Variants in HIVEP1 observed in about 807,000 individuals in gnomAD.
HIVEP1 encodes zinc finger protein 40.
Under a neutral mutation model 180.0 loss-of-function variants are expected in HIVEP1, and 36 were observed. The ratio of observed to expected loss-of-function variants is 0.20; its 90% CI spans 0.15 to 0.26. The LOEUF (loss-of-function observed/expected upper bound fraction) is 0.26. HIVEP1 is among the 10% of genes least tolerant of loss of function. HIVEP1 has a pLI of 1.00. For synonymous variants in HIVEP1, 1,239 were observed against 1,239.0 expected, an observed-to-expected ratio of 1.00 and a Z score of 0.00; for missense variants, 3,143 against 3,268.7, an observed-to-expected ratio of 0.96 and a Z score of 0.94.
chr6:12,032,398 T>C (rs1042724113), intron 2 of HIVEP1, among the ~76,000 whole-genome samples: 1 of 152,070 alleles, frequency 6.6e-6, no homozygotes, highest in Non-Finnish European at 1.5e-5. Context: ...CGCCTCAGCC[T>C]CCCAAAGTGC....
chr6:12,185,307 G>A, the HIVEP1 span, among the ~76,000 whole-genome samples: 11 of 152,212 alleles, frequency 7.2e-5, no homozygotes, highest in East Asian at 1.2e-3. Context: ...GGCCACTGAC[G>A]CAGCTATAAT....
chr6:12,186,246 T>C, the HIVEP1 span, among the ~76,000 whole-genome samples: 1 of 150,842 alleles, frequency 6.6e-6, no homozygotes, highest in Non-Finnish European at 1.5e-5. Context: ...GTATTAATAT[T>C]ACATATATAC....
rs371406056 is a variant in HIVEP1 at position 12,123,959 on chromosome 6, C to A, written c.4164C>A (p.Phe1388Leu). The stretch of plus-strand genomic sequence containing the variant: ...TCTCTGATCTCAGAAGCAAATCATT[C>A]GATTGTGGAAGCATCACCCCACCCC... The part of the protein sequence containing the change: ...MEVSDLRSKS[F>L]DCGSITPPQT... Residue 1388 changes from phenylalanine (F) to leucine (L), a missense_variant, in exon 4 of 9, where the codon TTC becomes TTA. This residue lies in a region of HIVEP1 where 1,357 missense variants were observed against 1,260.5 expected (regional missense o/e 1.08). Transcript: ENST00000379388. 7.4e-6 allele frequency: 12 copies of A among 1,613,910 alleles called. No individual in the cohort carries two copies. Among genetic ancestry groups the A allele is most frequent in the South Asian group, 2.2e-5 (2 of 91,070 alleles).
intron 2 of HIVEP1, among the ~76,000 whole-genome samples, chr6:12,051,234 A>C (rs1171718835): frequency 2.0e-5 from 3 of 151,706 alleles, no homozygotes; most frequent in Admixed American, 6.6e-5. Context: ...TTTATGTCCC[A>C]CTACGGATAT....
At chr6:12,211,832 A>C in the HIVEP1 span, among the ~76,000 whole-genome samples, 1 of 152,186 alleles carries the variant, frequency 6.6e-6, no homozygotes, top group African/African-American at 2.4e-5. Context: ...GTTGAGACTG[A>C]TGTGAGGAGA....
chr6:12,072,667 G>A (rs190014455), intron 2 of HIVEP1, among the ~76,000 whole-genome samples: 9 of 152,120 alleles, frequency 5.9e-5, no homozygotes, highest in Non-Finnish European at 8.8e-5. Flanking sequence ...CTCTGTATGC[G>A]TTGGTTGGAT....
intron 7 of HIVEP1, among the ~76,000 whole-genome samples, chr6:12,154,789 G>A (rs368272984): frequency 9.9e-5 from 15 of 152,108 alleles, no homozygotes; most frequent in African/African-American, 3.1e-4. Context: ...CTGCACATTT[G>A]CCACATGTAT....
At chr6:12,138,714 A>G (rs1222260610) in intron 7 of HIVEP1, among the ~76,000 whole-genome samples, 1 of 152,084 alleles carries the variant, frequency 6.6e-6, no homozygotes, top group African/African-American at 2.4e-5. Flanking sequence ...TTCATTCCAC[A>G]TGTGGGTATC....
At chr6:12,103,518 T>G (rs2113407251) in intron 3 of HIVEP1, among the ~76,000 whole-genome samples, 1 of 152,008 alleles carries the variant, frequency 6.6e-6, no homozygotes, top group South Asian at 2.1e-4. Context: ...TAGTTTCTAG[T>G]TTAGACAACT....
intron 2 of HIVEP1, among the ~76,000 whole-genome samples, chr6:12,040,212 C>T (rs2113674372): frequency 6.6e-6 from 1 of 152,290 alleles, no homozygotes; most frequent in South Asian, 2.1e-4. Context: ...AGTTAAGAAA[C>T]ACTGTAATAA....
intron 6 of HIVEP1, among the ~76,000 whole-genome samples, chr6:12,133,448 ATAAAATTGC>A (rs1758538090): frequency 6.6e-6 from 1 of 152,248 alleles, no homozygotes. Flanking sequence ...CACCAGGTTT[ATAAAATTGC>A]TAGGAGATAT....
rs1433173888 is a variant in HIVEP1, at chr6:12,121,115, A to C, written c.1320A>C (p.Gly440=). The change falls in exon 4 of 9, where the codon GGA becomes GGC. Residue 440 remains glycine (G), a synonymous_variant. Transcript: ENST00000379388. The surrounding 1 kb of genome is among the most constrained non-coding windows in gnomAD (Gnocchi z 5.3). Reference sequence around the variant, plus strand: ...GACCCTATCCCTGTGTGACTTGTGGATTTTCATTTAAGACTAAAAGTAATC... The same window carrying C: ...GACCCTATCCCTGTGTGACTTGTGGCTTTTCATTTAAGACTAAAAGTAATC... The part of the protein sequence containing the change: ...GERPYPCVTC[G]FSFKTKSNLY... 3.1e-6 allele frequency: 5 copies of C among 1,614,020 alleles called. No individual in the cohort carries two copies. In the Admixed American group the frequency reaches 8.3e-5, roughly 27 times the overall value.
At position 12,129,745 on chromosome 6, in the gene HIVEP1, T is replaced by G. The variant is rs1164545665; in HGVS notation, c.6076-14T>G. On this transcript the variant is annotated splice_polypyrimidine_tract_variant and intron_variant, in intron 4 of 8. Coordinates refer to ENST00000379388, the MANE Select transcript of HIVEP1 (RefSeq NM_002114.4). ...CAGTTTTATTAAATTAGTTTCTCTCTTTTTTCCTTTCAGAGAGCATTAGGT... is the reference window on the plus strand; with the variant it reads ...CAGTTTTATTAAATTAGTTTCTCTCGTTTTTCCTTTCAGAGAGCATTAGGT... 6.3e-7 allele frequency: 1 copy of G among 1,589,362 alleles called. No individual in the cohort carries two copies.
chr6:12,055,545 T>C (rs1770816997), intron 2 of HIVEP1, among the ~76,000 whole-genome samples: 1 of 152,224 alleles, frequency 6.6e-6, no homozygotes, highest in Non-Finnish European at 1.5e-5. Context: ...CAATGCCTCA[T>C]CTGACCAGTT....
At chr6:12,035,519 T>C (rs1769219242) in intron 2 of HIVEP1, among the ~76,000 whole-genome samples, 1 of 152,254 alleles carries the variant, frequency 6.6e-6, no homozygotes. Context: ...TTTTATGTAT[T>C]CCTTGTACTC....
At chr6:12,145,468 T>A (rs1322761972) in intron 7 of HIVEP1, among the ~76,000 whole-genome samples, 1 of 149,988 alleles carries the variant, frequency 6.7e-6, no homozygotes, top group Non-Finnish European at 1.5e-5. Context: ...GTATACCCTA[T>A]GTAACAAACC....
chr6:12,163,709 A>T lies in HIVEP1; in HGVS notation c.7405A>T (p.Ile2469Phe). 1 of 1,614,126 alleles carries T rather than the reference A, an allele frequency of 6.2e-7. No individual in the cohort carries two copies. Among genetic ancestry groups the T allele is most frequent in the Non-Finnish European group, 8.5e-7 (1 of 1,180,028 alleles). The change falls in exon 9 of 9, where the codon ATC (isoleucine) becomes TTC (phenylalanine). Residue 2469 changes from isoleucine (I) to phenylalanine (F), a missense_variant. Coordinates refer to ENST00000379388, the MANE Select transcript of HIVEP1 (RefSeq NM_002114.4). The part of the protein sequence containing the change: ...ELSSVVPCIP[I>F]GQIRVPGLQN... Reference sequence around the variant, plus strand: ...AAGCAGTGTTGTGCCATGTATTCCTATCGGCCAAATCCGCGTGCCAGGCCT... The same window carrying T: ...AAGCAGTGTTGTGCCATGTATTCCTTTCGGCCAAATCCGCGTGCCAGGCCT...
At chr6:12,038,688 A>G (rs1769465727) in intron 2 of HIVEP1, 1 of 152,572 alleles carries the variant, frequency 6.6e-6, no homozygotes, top group African/African-American at 2.4e-5. Context: ...GACAACAACA[A>G]CAACAACAAC....
chr6:12,017,022 A>C (rs1174934017), intron 2 of HIVEP1, among the ~76,000 whole-genome samples: 1 of 152,202 alleles, frequency 6.6e-6, no homozygotes, highest in Non-Finnish European at 1.5e-5. Flanking sequence ...TGGCAGCCCA[A>C]ATATTTGTTG....
Sources: allele counts gnomAD v4.1 joint callset (sites outside exome capture counted in the v4.1 genomes callset), GRCh38; gene constraint gnomAD v4.1.1; regional missense constraint gnomAD v4.1.1; non-coding constraint Gnocchi (gnomAD v3.1); transcripts MANE v1.5; gene names NCBI Gene and HGNC (gene_info 2026-07-23, HGNC 2026-07-21).